Variants in SLC25A40 observed in about 807,000 individuals in gnomAD.
SLC25A40 encodes mitochondrial glutathione transporter SLC25A40.
A neutral mutation model predicts 46.5 loss-of-function variants in SLC25A40; 41 were observed. That is an observed-to-expected ratio of 0.88 (90% CI 0.69 to 1.14). SLC25A40 has a LOEUF of 1.14. Ranked by LOEUF, SLC25A40 falls within the 50% of genes most tolerant of loss-of-function variation. SLC25A40 has a pLI of 0.00. For synonymous variants in SLC25A40, 126 were observed against 127.5 expected, an observed-to-expected ratio of 0.99 and a Z score of 0.08; for missense variants, 386 against 393.6, an observed-to-expected ratio of 0.98 and a Z score of 0.16.
chr7:87,871,923 C>T (rs2131025988), intron 1 of SLC25A40, among the ~76,000 whole-genome samples: 1 of 152,162 alleles, frequency 6.6e-6, no homozygotes, highest in East Asian at 1.9e-4. Flanking sequence ...GTAATTTGTC[C>T]ATTTCATTTA....
chr7:87,842,449 T>C (rs896387159), intron 9 of SLC25A40, among the ~76,000 whole-genome samples: 2 of 152,030 alleles, frequency 1.3e-5, no homozygotes, highest in African/African-American at 4.8e-5. Flanking sequence ...GCATTTTTGC[T>C]TCCCAACTCA....
At chr7:87,867,414 G>A (rs1278551010) in intron 1 of SLC25A40, among the ~76,000 whole-genome samples, 1 of 152,056 alleles carries the variant, frequency 6.6e-6, no homozygotes, top group Non-Finnish European at 1.5e-5. Context: ...GTTGACAAAT[G>A]TATTGCTGAG....
chr7:87,838,423 T>C (rs1341063234), intron 10 of SLC25A40, among the ~76,000 whole-genome samples: 1 of 151,458 alleles, frequency 6.6e-6, no homozygotes, highest in African/African-American at 2.4e-5. Flanking sequence ...ACCTCAGAAG[T>C]GTCTCCTGCC....
At position 87,836,677 on chromosome 7, in the gene SLC25A40, T is replaced by C. The variant is rs889104549; in HGVS notation, c.904+53A>G. ...CCTATAAGTTAATTTTAGAAGGTAA[T>C]ATTTTAAAAGTAATCATTCTATTCA... On this transcript the variant is annotated intron_variant, in intron 11 of 11. Coordinates refer to ENST00000341119, the MANE Select transcript of SLC25A40 (RefSeq NM_018843.4). 9.1e-6 allele frequency: 11 copies of C among 1,204,820 alleles called. No individual in the cohort carries two copies. In the African/African-American group the frequency reaches 1.5e-4, roughly 16 times the overall value. 74.6% of individuals were successfully genotyped at this position (1,204,820 alleles called of 1,614,324 possible).
intron 3 of SLC25A40, among the ~76,000 whole-genome samples, chr7:87,857,292 G>A (rs1370165809): frequency 1.3e-5 from 2 of 151,938 alleles, no homozygotes; most frequent in Non-Finnish European, 2.9e-5. Context: ...ATAGACATGG[G>A]GAATCAGAAA....
chr7:87,849,840 C>A (rs1838480706), intron 6 of SLC25A40, 41 bp downstream of exon 6: 3 of 1,321,790 alleles, frequency 2.3e-6, no homozygotes, highest in East Asian at 2.4e-5. Flanking sequence ...GATAAAATAA[C>A]AATCATTATT....
chr7:87,856,235 ACCACAGGAACATTT>A, intron 4 of SLC25A40, 43 bp downstream of exon 4: 1 of 1,396,680 alleles, frequency 7.2e-7, no homozygotes, highest in Non-Finnish European at 9.9e-7. Flanking sequence ...AAAAAAAAAA[ACCACAGGAACATTT>A]AAAAATCAAA....
intron 5 of SLC25A40, among the ~76,000 whole-genome samples, chr7:87,852,641 A>G (rs1838534757): frequency 6.6e-6 from 1 of 152,244 alleles, no homozygotes; most frequent in African/African-American, 2.4e-5. Context: ...TACAGGTGCA[A>G]TAATTAGGAC....
At chr7:87,858,265 C>T (rs181439580) in intron 3 of SLC25A40, among the ~76,000 whole-genome samples, 90 of 152,312 alleles carry the variant, frequency 5.9e-4, no homozygotes, top group Admixed American at 3.9e-3. Flanking sequence ...GGACCCTTAT[C>T]AGGAGTCTGT....
intron 6 of SLC25A40, among the ~76,000 whole-genome samples, chr7:87,848,350 A>G (rs1838453117): frequency 6.6e-6 from 1 of 152,218 alleles, no homozygotes; most frequent in Non-Finnish European, 1.5e-5. Flanking sequence ...CAATGAGCCG[A>G]GATCGTGCCA....
chr7:87,872,833 G>C (rs924383260), intron 1 of SLC25A40, among the ~76,000 whole-genome samples: 1 of 152,088 alleles, frequency 6.6e-6, no homozygotes, highest in Non-Finnish European at 1.5e-5. Flanking sequence ...ATGGTGGCAG[G>C]CGCCTGTAAT....
Position 87,843,740 on chromosome 7 carries a change from A to T in SLC25A40, c.741+14T>A, listed in dbSNP as rs1838370333. ...TATTCTTCTGGAATATTAACAACAA[A>T]AGAATAAACTTACAGAACCAGACAA... On this transcript the variant is annotated intron_variant, in intron 9 of 11. Coordinates refer to ENST00000341119, the MANE Select transcript of SLC25A40 (RefSeq NM_018843.4). 3.2e-6 allele frequency: 5 copies of T among 1,561,194 alleles called. No homozygotes were observed. The highest frequency in any genetic ancestry group is 1.4e-5 in the African/African-American group (1 of 73,424).
chr7:87,841,324 CA>C, intron 10 of SLC25A40, among the ~76,000 whole-genome samples: 1 of 151,576 alleles, frequency 6.6e-6, no homozygotes, highest in Admixed American at 6.6e-5. Context: ...GATCTGAAAA[CA>C]AACTTTAGGA....
At chr7:87,861,613 G>A (rs1452451757) in intron 1 of SLC25A40, among the ~76,000 whole-genome samples, 1 of 152,078 alleles carries the variant, frequency 6.6e-6, no homozygotes, top group African/African-American at 2.4e-5. Context: ...TGAAACTTAT[G>A]TAGAATCTTC....
chr7:87,870,989 G>C (rs1365594051), intron 1 of SLC25A40, among the ~76,000 whole-genome samples: 1 of 152,164 alleles, frequency 6.6e-6, no homozygotes, highest in Non-Finnish European at 1.5e-5. Context: ...AAAGGGCACT[G>C]TATCATTTCC....
chr7:87,866,193 G>A (rs1293130875), intron 1 of SLC25A40, among the ~76,000 whole-genome samples: 1 of 152,114 alleles, frequency 6.6e-6, no homozygotes, highest in African/African-American at 2.4e-5. Flanking sequence ...CCAGGTTGAA[G>A]AATTCCCTTT....
chr7:87,851,758 C>T (rs753165349), intron 5 of SLC25A40, among the ~76,000 whole-genome samples: 4 of 152,098 alleles, frequency 2.6e-5, no homozygotes, highest in Admixed American at 2.0e-4. Flanking sequence ...TAACGCTACC[C>T]GGCAGTAACA....
Position 87,846,812 on chromosome 7 carries a change from C to A in SLC25A40, c.631+137G>T, listed in dbSNP as rs962826967. 7.1e-6 allele frequency: 4 copies of A among 566,336 alleles called. 1 individual carries two copies. The South Asian group carries it at 1.7e-4, about 24-fold the overall frequency. 35.1% of individuals were successfully genotyped at this position (566,336 alleles called of 1,614,324 possible). ...AGCTTGGAAAGATCTGAGAGCCCAA[C>A]AATGAAAAAGGAGTTTGTGGTCACT... On this transcript the variant is annotated intron_variant, in intron 8 of 11. Transcript: ENST00000341119.
chr7:87,873,894 T>C (rs10280397), intron 1 of SLC25A40, among the ~76,000 whole-genome samples: 7,430 of 152,278 alleles, frequency 0.049, 271 homozygotes, highest in East Asian at 0.092. Context: ...ACAAAGTTTC[T>C]CACCATAAAT....
Sources: allele counts gnomAD v4.1 joint callset (sites outside exome capture counted in the v4.1 genomes callset), GRCh38; gene constraint gnomAD v4.1.1; transcripts MANE v1.5; gene names NCBI Gene and HGNC (gene_info 2026-07-23, HGNC 2026-07-21).